ARSK: variants seen among roughly 807,000 people sequenced by gnomAD.
The protein encoded by ARSK is arylsulfatase family member K, also known as arylsulfatase K.
In ARSK, 37 loss-of-function variants were observed where a neutral mutation model predicts 53.2. That is an observed-to-expected ratio of 0.70 (90% confidence interval 0.54 to 0.92). The LOEUF (loss-of-function observed/expected upper bound fraction) is 0.92, where lower values mean the gene tolerates loss of function less well. ARSK is among the 40% of genes least tolerant of loss of function. ARSK has a pLI of 0.00. For synonymous variants in ARSK, 208 were observed against 223.2 expected, an observed-to-expected ratio of 0.93 and a Z score of 0.61; for missense variants, 613 against 643.0, an observed-to-expected ratio of 0.95 and a Z score of 0.51.
At chr5:95,576,834 T>C (rs1748932512) in intron 3 of ARSK, among the ~76,000 whole-genome samples, 1 of 152,158 alleles carries the variant, frequency 6.6e-6, no homozygotes, top group Non-Finnish European at 1.5e-5. Context: ...CTTGTGACTC[T>C]TTCTCTACCT....
chr5:95,578,144 A>G (rs755019980), intron 3 of ARSK, among the ~76,000 whole-genome samples: 3 of 151,918 alleles, frequency 2.0e-5, no homozygotes, highest in Non-Finnish European at 4.4e-5. Flanking sequence ...TGTTTCTCTC[A>G]AATTTGAGAG....
chr5:95,569,368 G>T (rs888073247), intron 3 of ARSK, among the ~76,000 whole-genome samples: 1 of 151,900 alleles, frequency 6.6e-6, no homozygotes, highest in Non-Finnish European at 1.5e-5. Flanking sequence ...CCCAAATTTC[G>T]TGACCACCTA....
At chr5:95,591,693 G>C in intron 6 of ARSK, 68 bp downstream of exon 6, 1 of 1,497,156 alleles carries the variant, frequency 6.7e-7, no homozygotes, top group Non-Finnish European at 9.3e-7. Flanking sequence ...AGTTGTCAGT[G>C]AGTCAGTCTT....
At position 95,582,989 on chromosome 5, in the gene ARSK, A is replaced by C; in HGVS notation, c.490A>C (p.Ile164Leu). Residue 164 changes from isoleucine to leucine, a missense_variant, in exon 4 of 8, where the codon ATC becomes CTC. Coordinates refer to ENST00000380009, the MANE Select transcript of ARSK (RefSeq NM_198150.3). ...AGAAGGCAGGCCCATGGTTAATCTT[A>C]TCCGTAACAGGACTAAAGTCAGAGT... ...RQEGRPMVNL[I>L]RNRTKVRVME... 6.2e-7 allele frequency: 1 copy of C among 1,613,886 alleles called. No individual in the cohort carries two copies. The highest frequency in any genetic ancestry group is 8.5e-7 in the Non-Finnish European group (1 of 1,179,794).
Position 95,555,522 on chromosome 5 carries a change from C to T in ARSK, c.126+118C>T, listed in dbSNP as rs1748479158. On this transcript the variant is annotated intron_variant, in intron 1 of 7. Transcript: ENST00000380009. The surrounding 1 kb of genome is among the most constrained non-coding windows in gnomAD (Gnocchi z 4.0). ...GAGACATTTTCAAACACCTTTTACC[C>T]CGATGCAAAGAAAGAAATACATTTT... The T allele has an allele frequency of 3.6e-6, 4 of 1,110,786 alleles. No homozygotes were observed. In the East Asian group the frequency reaches 1.2e-4, roughly 33 times the overall value. 68.8% of individuals were successfully genotyped at this position (1,110,786 alleles called of 1,614,324 possible). A position where few individuals can be genotyped will look rare whatever the true frequency, so the allele number is the denominator to read the frequency against.
In ARSK at chr5:95,591,394, A is replaced by G. The variant is rs535220700; in HGVS notation, c.872-7A>G. The G allele has an allele frequency of 7.8e-5, 125 of 1,594,500 alleles. No homozygotes were observed. The South Asian group carries it at 1.4e-3, about 17-fold the overall frequency. On this transcript the variant is annotated splice_polypyrimidine_tract_variant and splice_region_variant and intron_variant, in intron 5 of 7. Transcript: ENST00000380009. ...TTTTAATCGGTTTATCATGATTTCT[A>G]TTGTAGGTGAAATTATTTTGGCCCT... is the stretch of plus-strand genomic sequence containing the variant.
intron 3 of ARSK, among the ~76,000 whole-genome samples, chr5:95,579,843 G>C (rs1041196859): frequency 2.0e-5 from 3 of 152,196 alleles, no homozygotes; most frequent in Non-Finnish European, 4.4e-5. Flanking sequence ...TCTTCTTCAA[G>C]ATAGGTATGC....
intron 2 of ARSK, among the ~76,000 whole-genome samples, chr5:95,567,343 A>G (rs1748741198): frequency 6.6e-6 from 1 of 152,238 alleles, no homozygotes; most frequent in Non-Finnish European, 1.5e-5. Context: ...TGAAAACAGA[A>G]AGCTTATTCT....
intron 5 of ARSK, among the ~76,000 whole-genome samples, chr5:95,588,516 C>T (rs757868008): frequency 4.7e-5 from 7 of 150,048 alleles, no homozygotes; most frequent in Admixed American, 1.3e-4. Flanking sequence ...GCCACCGCGA[C>T]TGGCCTGTAA....
At chr5:95,579,090 A>ATT (rs1748977452) in intron 3 of ARSK, among the ~76,000 whole-genome samples, 1 of 152,184 alleles carries the variant, frequency 6.6e-6, no homozygotes, top group Non-Finnish European at 1.5e-5. Flanking sequence ...GCTACTGTTG[A>ATT]AGCTCCATTT....
intron 1 of ARSK, among the ~76,000 whole-genome samples, chr5:95,559,237 A>G (rs1210677928): frequency 6.6e-6 from 1 of 152,206 alleles, no homozygotes; most frequent in African/African-American, 2.4e-5. Context: ...TTAGGAATAT[A>G]AGAGCAAAGA....
chr5:95,601,058 G>T lies in ARSK; in HGVS notation c.1308G>T (p.Leu436Phe), dbSNP rs1043157588. 5.0e-6 allele frequency: 8 copies of T among 1,612,908 alleles called. No homozygotes were observed. Among genetic ancestry groups the T allele is most frequent in the Admixed American group, 1.7e-5 (1 of 59,976 alleles). Residue 436 changes from leucine to phenylalanine, a missense_variant, in exon 7 of 8, where the codon TTG becomes TTT. Coordinates refer to ENST00000380009, the MANE Select transcript of ARSK (RefSeq NM_198150.3). ...CCTATTCGGATGGTGCATCAATATT[G>T]CCTCAACTCTTTGGTAAGTTTGTTA... is the stretch of plus-strand genomic sequence containing the variant. ...YIAYSDGASILPQLFDLSSDP... is the reference protein window; with the variant it reads ...YIAYSDGASIFPQLFDLSSDP...
intron 7 of ARSK, 79 bp from the exon 8 acceptor site, chr5:95,603,158 C>A: frequency 3.6e-6 from 4 of 1,102,556 alleles, no homozygotes; most frequent in Non-Finnish European, 5.0e-6. Flanking sequence ...AAATCTAATA[C>A]ATTACCTGTC....
At chr5:95,567,829 T>C in intron 2 of ARSK, 61 bp from the exon 3 acceptor site, 1 of 1,500,434 alleles carries the variant, frequency 6.7e-7, no homozygotes, top group Non-Finnish European at 9.0e-7. Context: ...AGAGTAATTG[T>C]CCTAATAGTT....
intron 3 of ARSK, among the ~76,000 whole-genome samples, chr5:95,571,857 C>A (rs1748837144): frequency 6.6e-6 from 1 of 152,180 alleles, no homozygotes; most frequent in African/African-American, 2.4e-5. Flanking sequence ...TAGCACATTA[C>A]TTTTCAGTGT....
At chr5:95,571,076 C>T (rs528517520) in intron 3 of ARSK, among the ~76,000 whole-genome samples, 288 of 152,320 alleles carry the variant, frequency 1.9e-3, no homozygotes, top group Non-Finnish European at 3.1e-3. Flanking sequence ...CCACTGCACC[C>T]GGCCATAACC....
At chr5:95,595,436 G>A (rs1206210843) in intron 6 of ARSK, among the ~76,000 whole-genome samples, 1 of 152,148 alleles carries the variant, frequency 6.6e-6, no homozygotes, top group Non-Finnish European at 1.5e-5. Context: ...CCCATTAGTG[G>A]TGGACTGAAT....
At chr5:95,572,262 T>C (rs968784958) in intron 3 of ARSK, among the ~76,000 whole-genome samples, 6 of 152,210 alleles carry the variant, frequency 3.9e-5, no homozygotes, top group African/African-American at 1.4e-4. Flanking sequence ...CATTTACTGA[T>C]GATAAGACCT....
intron 3 of ARSK, 134 bp downstream of exon 3, chr5:95,568,183 T>A: frequency 1.1e-6 from 1 of 938,742 alleles, no homozygotes; most frequent in Non-Finnish European, 1.5e-6. Context: ...TTGTGTTAAT[T>A]AGGCTGAAAT....
Sources: gnomAD v4.1 joint callset for allele counts (sites outside exome capture counted in the v4.1 genomes callset) on GRCh38, gnomAD v4.1.1 for gene constraint, Gnocchi (gnomAD v3.1) non-coding constraint, MANE v1.5 for transcripts, NCBI Gene and HGNC (gene_info 2026-07-23, HGNC 2026-07-21) for gene names.